The following NOL8 variants were observed in gnomAD, a reference collection of about 807,000 sequenced individuals.
NOL8 encodes nucleolar protein 8, also known as nucleolar protein Nop132.
In NOL8, 93 loss-of-function variants were observed where a neutral mutation model predicts 116.1. The ratio of observed to expected loss-of-function variants is 0.80; its 90% CI spans 0.68 to 0.95. The LOEUF is 0.95. NOL8 is among the 40% of genes least tolerant of loss of function. The pLI is 0.00. For synonymous variants in NOL8, 419 were observed against 469.0 expected, an observed-to-expected ratio of 0.89 and a Z score of 1.38; for missense variants, 1,291 against 1,382.8, an observed-to-expected ratio of 0.93 and a Z score of 1.05.
At chr9:92,317,575 C>T (rs537822281) in intron 6 of NOL8, among the ~76,000 whole-genome samples, 1 of 152,206 alleles carries the variant, frequency 6.6e-6, no homozygotes, top group East Asian at 1.9e-4. Context: ...TTCTCTAGTC[C>T]CAGTGGGGTA....
intron 7 of NOL8, among the ~76,000 whole-genome samples, chr9:92,311,525 A>G (rs1838793100): frequency 1.3e-5 from 2 of 152,206 alleles, no homozygotes; most frequent in Non-Finnish European, 1.5e-5. Flanking sequence ...AAACAACCCT[A>G]GTGAAAAATG....
intron 13 of NOL8, chr9:92,300,814 CAAAAAA>C: frequency 3.4e-6 from 3 of 881,348 alleles, no homozygotes; most frequent in Admixed American, 6.0e-5. Flanking sequence ...ACTCTGTCTC[CAAAAAA>C]AAAAAAAAAA....
chr9:92,314,878 C>T lies in NOL8; in HGVS notation c.1747G>A (p.Glu583Lys), dbSNP rs367819810. Residue 583 changes from glutamate to lysine, a missense_variant, in exon 7 of 17, where the codon GAG becomes AAG. By Grantham distance (56) the Glu-to-Lys change is moderately conservative. Coordinates refer to ENST00000442668, the MANE Select transcript of NOL8 (RefSeq NM_017948.6). ...FKGVGCLYEK[E>K]SMKKSLKDSV... Reference sequence around the variant, plus strand: ...TCTTTCAAGGATTTTTTCATTGACTCCTTTTCATATAGACAGCCTACTCCC... The same window carrying T: ...TCTTTCAAGGATTTTTTCATTGACTTCTTTTCATATAGACAGCCTACTCCC... The T allele has an allele frequency of 3.1e-6, 5 of 1,613,398 alleles. No homozygotes were observed. The highest frequency in any genetic ancestry group is 4.2e-6 in the Non-Finnish European group (5 of 1,179,808).
intron 10 of NOL8, among the ~76,000 whole-genome samples, chr9:92,307,888 G>C (rs1360778250): frequency 6.6e-6 from 1 of 152,134 alleles, no homozygotes; most frequent in East Asian, 1.9e-4. Context: ...GAAACAAAAC[G>C]AACACATATA....
At chr9:92,301,903 T>G (rs531496152) in intron 12 of NOL8, 81 bp from the exon 13 acceptor site, 3 of 1,201,498 alleles carry the variant, frequency 2.5e-6, no homozygotes, top group African/African-American at 3.1e-5. Context: ...AGAAAAAATC[T>G]TGGACAACTT....
chr9:92,319,711 C>G (rs1483716209), intron 4 of NOL8, among the ~76,000 whole-genome samples: 2 of 152,166 alleles, frequency 1.3e-5, no homozygotes, highest in Admixed American at 6.5e-5. Context: ...CTTCATTTAT[C>G]AACTTATACG....
At chr9:92,320,607 TC>T (rs1324464588) in intron 4 of NOL8, among the ~76,000 whole-genome samples, 2 of 151,552 alleles carry the variant, frequency 1.3e-5, no homozygotes, top group East Asian at 3.9e-4. Flanking sequence ...TTTTTTTTTT[TC>T]CTTTTTTTTT....
chr9:92,321,535 G>T, intron 4 of NOL8, 133 bp downstream of exon 4: 1 of 591,842 alleles, frequency 1.7e-6, no homozygotes, highest in South Asian at 2.2e-5. Flanking sequence ...AGTTGAAAGG[G>T]ATTTCAGCTC....
chr9:92,313,017 A>G (rs1838990564), intron 7 of NOL8, among the ~76,000 whole-genome samples: 1 of 151,558 alleles, frequency 6.6e-6, no homozygotes, highest in East Asian at 1.9e-4. Context: ...AAACAACCCA[A>G]TCTCAAACTG....
In NOL8 at chr9:92,314,933, G is replaced by A. The variant is rs939432569; in HGVS notation, c.1692C>T (p.Asn564=). 1.2e-6 allele frequency: 2 copies of A among 1,613,660 alleles called. No individual in the cohort carries two copies. Among genetic ancestry groups the A allele is most frequent in the Admixed American group, 1.7e-5 (1 of 59,986 alleles). The change falls in exon 7 of 17, where the codon AAC becomes AAT. Residue 564 remains asparagine, a synonymous_variant. Coordinates refer to ENST00000442668, the MANE Select transcript of NOL8 (RefSeq NM_017948.6). ...AAGCCTGAAATTTTGGCTTTAAATT[G>A]TTTTCCTTTGGTTTCTGTTTGCCAC... The part of the protein sequence containing the change: ...NTCGKQKPKE[N]NLKPKFQAFK...
Position 92,301,790 on chromosome 9 carries a change from G to T in NOL8, c.2936C>A (p.Ala979Asp). 1 of 1,597,070 alleles carries T rather than the reference G, an allele frequency of 6.3e-7. No homozygotes were observed. The stretch of plus-strand genomic sequence containing the variant: ...TTTAGACACCTCAGGTAGTTTCTCA[G>T]CTTCCTCCCTTTTCTTTTTTCGTTT... Reference protein sequence around the residue: ...KAKRKKKREEAEKLPEVSKEM... With the variant: ...KAKRKKKREEDEKLPEVSKEM... The change falls in exon 13 of 17, where the codon GCT becomes GAT. Residue 979 changes from alanine to aspartate, a missense_variant. Ala to Asp is a moderately radical substitution (Grantham distance 126). Coordinates refer to ENST00000442668, the MANE Select transcript of NOL8 (RefSeq NM_017948.6).
Position 92,315,885 on chromosome 9 carries a change from G to C in NOL8, c.740C>G (p.Pro247Arg), listed in dbSNP as rs755188947. 3.1e-6 allele frequency: 5 copies of C among 1,613,814 alleles called. No homozygotes were observed. The highest frequency in any genetic ancestry group is 4.2e-6 in the Non-Finnish European group (5 of 1,179,878). ...TTGTGCAGCCTGTTGCTGTGTTAAGGGTGGTCTCTCTATTACCCTCCTGGG... is the reference window on the plus strand; with the variant it reads ...TTGTGCAGCCTGTTGCTGTGTTAAGCGTGGTCTCTCTATTACCCTCCTGGG... ...TRPRRVIERP[P>R]LTQQQAAQKR... is the part of the protein sequence containing the mutation. The change falls in exon 7 of 17, where the codon CCC becomes CGC. Residue 247 changes from proline to arginine, a missense_variant. Transcript: ENST00000442668.
At chr9:92,298,681 G>A (rs1837457463) in intron 15 of NOL8, 1 of 473,648 alleles carries the variant, frequency 2.1e-6, no homozygotes, top group Admixed American at 3.9e-5. Context: ...ACAACCCTTT[G>A]TTGATGAGAA....
At chr9:92,316,175 T>A in intron 6 of NOL8, 37 bp from the exon 7 acceptor site, 1 of 1,569,648 alleles carries the variant, frequency 6.4e-7, no homozygotes, top group South Asian at 1.2e-5. Flanking sequence ...AAGCACTTGG[T>A]TTTAGGAAAA....
intron 16 of NOL8, 80 bp from the exon 17 acceptor site, chr9:92,297,966 T>G (rs1342291009): frequency 1.6e-6 from 2 of 1,226,932 alleles, no homozygotes; most frequent in Non-Finnish European, 2.3e-6. Flanking sequence ...AACAGGTTAT[T>G]CTCACTGTCA....
intron 12 of NOL8, among the ~76,000 whole-genome samples, chr9:92,304,726 T>C (rs1838079338): frequency 6.6e-6 from 1 of 152,184 alleles, no homozygotes; most frequent in South Asian, 2.1e-4. Flanking sequence ...AGCCTTCACT[T>C]TGTTTTCCCT....
chr9:92,321,484 G>T (rs915347862), intron 4 of NOL8, among the ~76,000 whole-genome samples, 184 bp downstream of exon 4: 2 of 152,182 alleles, frequency 1.3e-5, no homozygotes, highest in African/African-American at 4.8e-5. Flanking sequence ...GTAAATGCAT[G>T]AAATTATCCT....
Position 92,307,016 on chromosome 9 carries a change from C to A in NOL8, c.2695G>T (p.Glu899Ter). ...TCTTCTTCCTCAGCAGTTTTCTTTT[C>A]ATTTACCTCTTTGAGGAAAAGGGAT... ...DSEEEQEEVN[E>*]KKTAEEEELA... Residue 899 changes from glutamate (E) to a stop codon, truncating the protein, a stop_gained, in exon 11 of 17, where the codon GAA (glutamate) becomes TAA (stop). Transcript: ENST00000442668. LOFTEE classifies it high-confidence loss of function. The A allele has an allele frequency of 6.2e-7, 1 of 1,608,642 alleles. No individual in the cohort carries two copies. Among genetic ancestry groups the A allele is most frequent in the Non-Finnish European group, 8.5e-7 (1 of 1,178,790 alleles).
rs1838313220 is a variant in NOL8 at position 92,306,869 on chromosome 9, TG to T, written c.2825+16del. ...CAAAGGATGATATGGTAGAATGGGA[TG>T]GAACATAAAACATACTTAAATTTCT... On this transcript the variant is annotated intron_variant, in intron 11 of 16. Coordinates refer to ENST00000442668, the MANE Select transcript of NOL8 (RefSeq NM_017948.6). The T allele has an allele frequency of 6.2e-7, 1 of 1,606,430 alleles. No individual in the cohort carries two copies. The highest frequency in any genetic ancestry group is 8.5e-7 in the Non-Finnish European group (1 of 1,176,330).
Sources: allele counts gnomAD v4.1 joint callset (sites outside exome capture counted in the v4.1 genomes callset), GRCh38; gene constraint gnomAD v4.1.1; transcripts MANE v1.5; gene names NCBI Gene and HGNC (gene_info 2026-07-23, HGNC 2026-07-21).